The following SGCZ variants were observed in gnomAD, a reference collection of about 807,000 sequenced individuals.
SGCZ encodes sarcoglycan zeta, also known as zeta-sarcoglycan.
SGCZ carries 40 observed loss-of-function variants against 41.3 expected under a neutral mutation model. That is an observed-to-expected ratio of 0.97 (90% confidence interval 0.75 to 1.26). The LOEUF (loss-of-function observed/expected upper bound fraction) is 1.26. Among genes scored for constraint, SGCZ ranks in the 50% most tolerant of loss-of-function variants. The pLI, the probability that SGCZ is intolerant of heterozygous loss-of-function variation, is 0.00. For missense variants in SGCZ, 552 were observed against 369.8 expected (o/e 1.49, Z -4.04); for synonymous variants, 206 against 137.5 (o/e 1.50, Z -3.49).
chr8:14,264,207 T>C (rs1412395067), intron 3 of SGCZ, among the ~76,000 whole-genome samples: 1 of 152,126 alleles, frequency 6.6e-6, no homozygotes, highest in Non-Finnish European at 1.5e-5. Context: ...ATGGTGACTG[T>C]GGGAATGGCT....
At chr8:14,494,740 T>C (rs1348092411) in intron 2 of SGCZ, among the ~76,000 whole-genome samples, 1 of 152,192 alleles carries the variant, frequency 6.6e-6, no homozygotes, top group African/African-American at 2.4e-5. Context: ...AGTAGACTTG[T>C]GACTGTTTGT....
chr8:14,814,366 AG>A (rs1340931589), intron 1 of SGCZ, among the ~76,000 whole-genome samples: 1 of 152,126 alleles, frequency 6.6e-6, no homozygotes, highest in Non-Finnish European at 1.5e-5. Flanking sequence ...GAGAGGAGGT[AG>A]AAGAAGGAAG....
intron 2 of SGCZ, among the ~76,000 whole-genome samples, chr8:14,359,042 T>C (rs1381037300): frequency 2.0e-5 from 3 of 152,196 alleles, no homozygotes; most frequent in Non-Finnish European, 4.4e-5. Context: ...GGATTTTTCT[T>C]CCTTAAAAAC....
intron 3 of SGCZ, among the ~76,000 whole-genome samples, chr8:14,283,989 G>C (rs1206274680): frequency 6.6e-6 from 1 of 152,122 alleles, no homozygotes; most frequent in Non-Finnish European, 1.5e-5. Flanking sequence ...TTTATATAAG[G>C]TGTTATTAGG....
At chr8:14,166,684 C>T (rs1234482110) in intron 4 of SGCZ, among the ~76,000 whole-genome samples, 3 of 152,104 alleles carry the variant, frequency 2.0e-5, no homozygotes, top group African/African-American at 7.2e-5. Context: ...CACCCACACA[C>T]ACATAATACC....
At chr8:14,587,394 G>A (rs1805094651) in intron 1 of SGCZ, among the ~76,000 whole-genome samples, 3 of 150,446 alleles carry the variant, frequency 2.0e-5, no homozygotes, top group Admixed American at 2.0e-4. Context: ...AAAAAAGTTT[G>A]GGTGTTGTGG....
intron 2 of SGCZ, among the ~76,000 whole-genome samples, chr8:14,480,859 T>A (rs750244796): frequency 1.7e-4 from 26 of 152,076 alleles, no homozygotes; most frequent in Non-Finnish European, 2.2e-4. Flanking sequence ...GATACAAGTT[T>A]AATTATATAA....
chr8:14,632,335 A>G (rs1281918937), intron 1 of SGCZ, among the ~76,000 whole-genome samples: 1 of 152,042 alleles, frequency 6.6e-6, no homozygotes, highest in African/African-American at 2.4e-5. Context: ...TGCTTACATT[A>G]TAATCTAGTG....
chr8:14,709,833 T>G (rs186212696), intron 1 of SGCZ, among the ~76,000 whole-genome samples: 1 of 152,274 alleles, frequency 6.6e-6, no homozygotes, highest in African/African-American at 2.4e-5. Context: ...ATGTGAGGAA[T>G]TTTACCATGA....
intron 2 of SGCZ, among the ~76,000 whole-genome samples, chr8:14,542,820 C>A (rs1002739616): frequency 6.6e-6 from 1 of 151,858 alleles, no homozygotes; most frequent in Non-Finnish European, 1.5e-5. Flanking sequence ...TCTGAAACAG[C>A]CATCATTTTT....
chr8:14,659,765 T>G (rs980765923), intron 1 of SGCZ, among the ~76,000 whole-genome samples: 1 of 152,320 alleles, frequency 6.6e-6, no homozygotes, highest in African/African-American at 2.4e-5. Context: ...CCCAGCAATG[T>G]ACATGTTGAA....
At chr8:15,056,002 G>A (rs1016112814) in intron 1 of SGCZ, among the ~76,000 whole-genome samples, 6 of 152,178 alleles carry the variant, frequency 3.9e-5, no homozygotes, top group African/African-American at 1.4e-4. Context: ...GTAAAGCAGT[G>A]ATGTGATAAG....
At chr8:14,817,134 G>A (rs890921816) in intron 1 of SGCZ, among the ~76,000 whole-genome samples, 4 of 152,080 alleles carry the variant, frequency 2.6e-5, no homozygotes, top group African/African-American at 9.7e-5. Flanking sequence ...ATTACATGTT[G>A]CACACTCAGT....
intron 1 of SGCZ, among the ~76,000 whole-genome samples, chr8:14,707,925 T>C (rs1809384612): frequency 6.6e-6 from 1 of 152,106 alleles, no homozygotes; most frequent in Non-Finnish European, 1.5e-5. Context: ...AAAATGGGTA[T>C]GATTTGGGGT....
chr8:14,381,877 C>A lies in SGCZ; in HGVS notation c.235-57673G>T, dbSNP rs146610841. On this transcript the variant is annotated intron_variant, in intron 2 of 7. Transcript: ENST00000382080. ...CACTAATTCATTGTTTCACAGTCAT[C>A]TTTCCCTCAAAGATGCTTCTATTTT... 1.6e-3 allele frequency among the ~76,000 whole-genome samples: 237 copies of A among 152,186 alleles called. 2 individuals are homozygous for A. The highest frequency in any genetic ancestry group is 5.0e-3 in the African/African-American group (209 of 41,540).
intron 1 of SGCZ, among the ~76,000 whole-genome samples, chr8:14,679,940 G>A (rs1203529566): frequency 6.6e-6 from 1 of 151,796 alleles, no homozygotes; most frequent in Non-Finnish European, 1.5e-5. Flanking sequence ...TGTTACAAAT[G>A]CCTACAGTAC....
At chr8:15,128,768 T>G (rs1807796299) in intron 1 of SGCZ, among the ~76,000 whole-genome samples, 1 of 152,182 alleles carries the variant, frequency 6.6e-6, no homozygotes, top group South Asian at 2.1e-4. Flanking sequence ...ATCCTTCAAA[T>G]TTCCATTCTT....
Position 14,450,406 on chromosome 8 carries a change from G to A in SGCZ, c.234+104326C>T, listed in dbSNP as rs144880359. On this transcript the variant is annotated intron_variant, in intron 2 of 7. Coordinates refer to ENST00000382080, the MANE Select transcript of SGCZ (RefSeq NM_139167.4). ...AGAAATTGGCTTTATAGTCAGCACA[G>A]CCCAACATAAAGGGTCAGGAGGGTA... Among the ~76,000 whole-genome samples, 702 of 152,304 alleles carry A rather than the reference G, an allele frequency of 4.6e-3. 2 individuals are homozygous for A. Among genetic ancestry groups the A allele is most frequent in the Non-Finnish European group, 4.7e-3 (319 of 68,008 alleles).
At chr8:15,121,930 C>A (rs1335164388) in intron 1 of SGCZ, among the ~76,000 whole-genome samples, 2 of 145,958 alleles carry the variant, frequency 1.4e-5, no homozygotes, top group African/African-American at 5.0e-5. Context: ...GATATGCAGA[C>A]ATTTTGGAGA....
Sources: allele counts gnomAD v4.1 joint callset (sites outside exome capture counted in the v4.1 genomes callset), GRCh38; gene constraint gnomAD v4.1.1; transcripts MANE v1.5; gene names NCBI Gene and HGNC (gene_info 2026-07-23, HGNC 2026-07-21).